GALNT12: variants seen among roughly 807,000 people sequenced by gnomAD.
GALNT12 encodes the protein UDP-GalNAc:polypeptide N-acetylgalactosaminyltransferase 12.
In GALNT12, 45 loss-of-function variants were observed where a neutral mutation model predicts 55.5. The observed-to-expected ratio is 0.81, with a 90% CI of 0.64 to 1.04. The LOEUF is 1.04. Ranked by LOEUF, GALNT12 falls within the 50% of genes least tolerant of loss-of-function variation. The pLI is 0.00. For missense variants in GALNT12, 709 were observed against 754.8 expected, an observed-to-expected ratio of 0.94 and a Z score of 0.71; for synonymous variants, 304 against 312.2, an observed-to-expected ratio of 0.97 and a Z score of 0.28.
At chr9:98,835,635 T>C (rs1184052453) in intron 5 of GALNT12, among the ~76,000 whole-genome samples, 1 of 152,218 alleles carries the variant, frequency 6.6e-6, no homozygotes, top group Non-Finnish European at 1.5e-5. Flanking sequence ...AGGGTTAGGT[T>C]CCTCCTGATC....
intron 3 of GALNT12, among the ~76,000 whole-genome samples, chr9:98,830,552 G>T (rs1254830187): frequency 1.3e-5 from 2 of 152,208 alleles, no homozygotes; most frequent in African/African-American, 4.8e-5. Context: ...GCTTTCTGTG[G>T]TTCCAGCCAG....
chr9:98,821,173 C>A (rs1835726132), intron 1 of GALNT12, among the ~76,000 whole-genome samples: 1 of 152,088 alleles, frequency 6.6e-6, no homozygotes, highest in Admixed American at 6.5e-5. Context: ...TCATGCCCGG[C>A]TAATTTTTGT....
chr9:98,837,486 G>A (rs1366807197), intron 6 of GALNT12, among the ~76,000 whole-genome samples: 4 of 152,154 alleles, frequency 2.6e-5, no homozygotes, highest in Non-Finnish European at 5.9e-5. Flanking sequence ...ATGTGTTTCT[G>A]TTCAAAGACA....
chr9:98,829,202 T>C (rs1022802722), intron 3 of GALNT12, among the ~76,000 whole-genome samples: 2 of 150,316 alleles, frequency 1.3e-5, no homozygotes, highest in African/African-American at 4.9e-5. Flanking sequence ...TCTATCTATC[T>C]ATCTGAGACA....
chr9:98,833,118 C>G (rs1836042902), intron 4 of GALNT12, among the ~76,000 whole-genome samples: 1 of 152,072 alleles, frequency 6.6e-6, no homozygotes. Context: ...AGAATGGGCC[C>G]AAGGGAGGCT....
In GALNT12 at chr9:98,836,969, C is replaced by T. The variant is rs779513131; in HGVS notation, c.1036-3C>T. On this transcript the variant is annotated splice_polypyrimidine_tract_variant and splice_region_variant and intron_variant, in intron 5 of 9. Transcript: ENST00000375011. ...CCTGGCCTCTCCTTTTCTCTGTGTGCAGATCTGGCAGTGTGGTGGGGTTCT... is the reference window on the plus strand; with the variant it reads ...CCTGGCCTCTCCTTTTCTCTGTGTGTAGATCTGGCAGTGTGGTGGGGTTCT... 1.2e-6 allele frequency: 2 copies of T among 1,614,004 alleles called. No homozygotes were observed. The highest frequency in any genetic ancestry group is 1.7e-6 in the Non-Finnish European group (2 of 1,180,002).
Position 98,825,234 on chromosome 9 carries a change from G to T in GALNT12, c.542-1518G>T, listed in dbSNP as rs546797386. ...ACAAATATATTAATCTAAAGTCAAA[G>T]AGCGGATTATTTATTTTATAATAAT... On this transcript the variant is annotated intron_variant, in intron 2 of 9. Transcript: ENST00000375011. Among the ~76,000 whole-genome samples the T allele has an allele frequency of 6.6e-5, 10 of 152,292 alleles. No homozygotes were observed. The South Asian group carries it at 2.1e-3, about 32-fold the overall frequency.
intron 7 of GALNT12, among the ~76,000 whole-genome samples, chr9:98,841,501 C>A (rs73655526): frequency 0.036 from 5,457 of 152,242 alleles, 122 homozygotes; most frequent in African/African-American, 0.065. Flanking sequence ...CACTGATAAC[C>A]ATTGCCTAGG....
intron 7 of GALNT12, among the ~76,000 whole-genome samples, chr9:98,843,597 C>T (rs902950756): frequency 2.0e-5 from 3 of 151,982 alleles, no homozygotes; most frequent in African/African-American, 4.8e-5. Flanking sequence ...AGTAGAGATG[C>T]GGTTTTGCCG....
chr9:98,831,973 CTGGGTGACTTGTT>C lies in GALNT12; in HGVS notation c.917+18_917+30del. On this transcript the variant is annotated intron_variant, in intron 4 of 9. Transcript: ENST00000375011. ...ATGTCATCAGGTCAGGAGCTGACTT[CTGGGTGACTTGTT>C]TTTTAAGCATGCCTCATTGAATCTG... The C allele has an allele frequency of 6.2e-7, 1 of 1,608,752 alleles. No homozygotes were observed. The highest frequency in any genetic ancestry group is 8.5e-7 in the Non-Finnish European group (1 of 1,176,092).
At chr9:98,826,624 G>C (rs1835860735) in intron 2 of GALNT12, 128 bp from the exon 3 acceptor site, 3 of 951,642 alleles carry the variant, frequency 3.2e-6, no homozygotes, top group South Asian at 2.8e-5. Flanking sequence ...CCAGGTGGCA[G>C]AGCAAAGGAG....
chr9:98,833,657 G>A (rs1836059649), intron 4 of GALNT12, among the ~76,000 whole-genome samples: 1 of 152,124 alleles, frequency 6.6e-6, no homozygotes, highest in South Asian at 2.1e-4. Flanking sequence ...GAAATTGAGT[G>A]GGAATTGGGG....
chr9:98,815,257 G>T (rs947222051), intron 1 of GALNT12, among the ~76,000 whole-genome samples: 22 of 152,060 alleles, frequency 1.4e-4, no homozygotes, highest in African/African-American at 4.3e-4. Flanking sequence ...AACCAACCTG[G>T]TTTTCACTTT....
In GALNT12 at chr9:98,848,831, A is replaced by G. The variant is rs577070001; in HGVS notation, c.1606-121A>G. 32 of 1,168,950 alleles carry G rather than the reference A, an allele frequency of 2.7e-5. No homozygotes were observed. The Admixed American group carries it at 3.9e-4, about 14-fold the overall frequency. 72.4% of individuals were successfully genotyped at this position (1,168,950 alleles called of 1,614,324 possible). On this transcript the variant is annotated intron_variant, in intron 9 of 9. Transcript: ENST00000375011. ...TGAGTTGCTGCGTTACACGGAAGAC[A>G]CTTACCCCTCAATAAATATTTCTGA...
At chr9:98,829,332 GCATGCACTAC>G (rs1245161490) in intron 3 of GALNT12, among the ~76,000 whole-genome samples, 1 of 151,768 alleles carries the variant, frequency 6.6e-6, no homozygotes, top group Non-Finnish European at 1.5e-5. Context: ...GGGATTACAG[GCATGCACTAC>G]CATGCCAGGC....
rs112268836 is a variant in GALNT12, at chr9:98,839,030, T to C, written c.1213-972T>C. On this transcript the variant is annotated intron_variant, in intron 6 of 9. Coordinates refer to ENST00000375011, the MANE Select transcript of GALNT12 (RefSeq NM_024642.5). ...CTCTGGCTCTGGGCTCCATGGTCAT[T>C]TGCTTCTGCCTCCTCCGTCTTGCCC... 6.6e-3 allele frequency among the ~76,000 whole-genome samples: 1,006 copies of C among 152,236 alleles called. 8 individuals are homozygous for C. The highest frequency in any genetic ancestry group is 0.01 in the Non-Finnish European group (709 of 68,000).
chr9:98,836,332 G>A (rs573183604), intron 5 of GALNT12, among the ~76,000 whole-genome samples: 3 of 152,246 alleles, frequency 2.0e-5, no homozygotes, highest in South Asian at 4.1e-4. Flanking sequence ...ATGGTGTTCT[G>A]CCCTCATAAA....
Position 98,818,309 on chromosome 9 carries a change from G to A in GALNT12, c.372-4947G>A, listed in dbSNP as rs1025414088. 1.7e-3 allele frequency among the ~76,000 whole-genome samples: 254 copies of A among 151,562 alleles called. 1 individual carries two copies. Among genetic ancestry groups the A allele is most frequent in the African/African-American group, 5.7e-3 (236 of 41,334 alleles). On this transcript the variant is annotated intron_variant, in intron 1 of 9. Transcript: ENST00000375011. ...GCTATCTTGGCTGACTGCAACCTCCGCCCCCCGGGTTCAAGCCATTCTCCT... is the reference window on the plus strand; with the variant it reads ...GCTATCTTGGCTGACTGCAACCTCCACCCCCCGGGTTCAAGCCATTCTCCT...
intron 1 of GALNT12, among the ~76,000 whole-genome samples, chr9:98,817,904 C>CT (rs1835650678): frequency 1.3e-5 from 2 of 152,012 alleles, no homozygotes; most frequent in African/African-American, 4.8e-5. Flanking sequence ...CCTTTTTTTC[C>CT]TCTTTTTATA....
Sources: allele counts gnomAD v4.1 joint callset (sites outside exome capture counted in the v4.1 genomes callset), GRCh38; gene constraint gnomAD v4.1.1; transcripts MANE v1.5; gene names NCBI Gene and HGNC (gene_info 2026-07-23, HGNC 2026-07-21).